The following GRM8 variants were observed in gnomAD, a reference collection of about 807,000 sequenced individuals.
GRM8 encodes the protein metabotropic glutamate receptor 8.
A neutral mutation model predicts 87.2 loss-of-function variants in GRM8; 47 were observed. The observed-to-expected ratio is 0.54, with a 90% CI of 0.43 to 0.69. The LOEUF (loss-of-function observed/expected upper bound fraction) is 0.69. Ranked by LOEUF, GRM8 falls within the 30% of genes least tolerant of loss-of-function variation. The pLI is 0.00. For synonymous variants in GRM8, 396 were observed against 404.5 expected, an observed-to-expected ratio of 0.98 and a Z score of 0.25; for missense variants, 1,019 against 1,139.2, an observed-to-expected ratio of 0.89 and a Z score of 1.52.
chr7:127,099,087 C>T (rs17866212), intron 3 of GRM8, among the ~76,000 whole-genome samples: 278 of 152,252 alleles, frequency 1.8e-3, no homozygotes, highest in African/African-American at 6.4e-3. Context: ...AGGGAAGGAA[C>T]CTGTCTAAAG....
intron 8 of GRM8, among the ~76,000 whole-genome samples, chr7:126,573,446 A>G (rs1249511827): frequency 6.6e-6 from 1 of 152,162 alleles, no homozygotes; most frequent in Non-Finnish European, 1.5e-5. Flanking sequence ...AGGATTAAGT[A>G]TACTTTTCTG....
At chr7:126,636,641 C>T (rs907623232) in intron 7 of GRM8, among the ~76,000 whole-genome samples, 1 of 152,006 alleles carries the variant, frequency 6.6e-6, no homozygotes, top group South Asian at 2.1e-4. Flanking sequence ...GAAGGAAAAA[C>T]AAAATCAGAG....
chr7:126,928,671 C>CAA (rs57576564), intron 3 of GRM8, among the ~76,000 whole-genome samples: 3,237 of 98,500 alleles, frequency 0.033, 49 homozygotes, highest in Middle Eastern at 0.052. Context: ...GACCCTGCCT[C>CAA]AAAAAAAAAA....
At chr7:126,694,399 G>T (rs1287286452) in intron 7 of GRM8, among the ~76,000 whole-genome samples, 1 of 152,138 alleles carries the variant, frequency 6.6e-6, no homozygotes, top group Non-Finnish European at 1.5e-5. Context: ...TCCCAAGCTG[G>T]ATAACTGTGA....
At chr7:126,702,690 A>T (rs1810065830) in intron 7 of GRM8, among the ~76,000 whole-genome samples, 1 of 152,160 alleles carries the variant, frequency 6.6e-6, no homozygotes, top group Non-Finnish European at 1.5e-5. Context: ...CTTCCTGATG[A>T]GGCAGATGTA....
At chr7:126,761,659 C>T (rs529035911) in intron 7 of GRM8, among the ~76,000 whole-genome samples, 45 of 152,288 alleles carry the variant, frequency 3.0e-4, no homozygotes, top group African/African-American at 9.9e-4. Flanking sequence ...CAAAGCCAAA[C>T]TCGGCACAGG....
chr7:126,899,560 C>T (rs1467519240), intron 6 of GRM8, among the ~76,000 whole-genome samples: 1 of 152,104 alleles, frequency 6.6e-6, no homozygotes, highest in East Asian at 1.9e-4. Context: ...TATCTATATC[C>T]AAATTTAGCA....
At chr7:127,178,130 A>T (rs1794224577) in intron 2 of GRM8, among the ~76,000 whole-genome samples, 1 of 152,184 alleles carries the variant, frequency 6.6e-6, no homozygotes, top group Admixed American at 6.5e-5. Flanking sequence ...AAAATTATTC[A>T]AGGAAGTAGA....
chr7:126,655,850 A>G (rs1230825848), intron 7 of GRM8, among the ~76,000 whole-genome samples: 2 of 152,228 alleles, frequency 1.3e-5, no homozygotes, highest in African/African-American at 4.8e-5. Context: ...TTTCCAAAGC[A>G]TGACACAAGG....
intron 7 of GRM8, among the ~76,000 whole-genome samples, chr7:126,687,346 T>C (rs1306175261): frequency 6.6e-6 from 1 of 152,192 alleles, no homozygotes; most frequent in East Asian, 1.9e-4. Context: ...AATCACTTTA[T>C]CTCCACTTGA....
At chr7:126,657,327 G>A (rs1310169881) in intron 7 of GRM8, among the ~76,000 whole-genome samples, 7 of 152,108 alleles carry the variant, frequency 4.6e-5, no homozygotes, top group Admixed American at 4.6e-4. Flanking sequence ...AGTAATTGTG[G>A]TTTTTAATTG....
chr7:126,763,458 TATATATATATATATACACAC>T (rs1817811821), intron 7 of GRM8, among the ~76,000 whole-genome samples: 1 of 61,428 alleles, frequency 1.6e-5, no homozygotes, highest in Non-Finnish European at 4.4e-5. Context: ...TATATATATA[TATATATATATATATACACAC>T]ACACACACAC....
chr7:127,014,791 C>G (rs911695808), intron 3 of GRM8, among the ~76,000 whole-genome samples: 1 of 151,734 alleles, frequency 6.6e-6, no homozygotes, highest in Non-Finnish European at 1.5e-5. Flanking sequence ...GGCTAGGATG[C>G]TTTCTTTCTG....
intron 1 of GRM8, among the ~76,000 whole-genome samples, chr7:127,251,888 G>A (rs1231077490): frequency 6.6e-6 from 1 of 152,164 alleles, no homozygotes; most frequent in Non-Finnish European, 1.5e-5. Context: ...AGAGGGGCAC[G>A]GAAATCCCAA....
At chr7:126,736,112 G>A (rs1208273745) in intron 7 of GRM8, among the ~76,000 whole-genome samples, 2 of 152,010 alleles carry the variant, frequency 1.3e-5, no homozygotes, top group Non-Finnish European at 2.9e-5. Flanking sequence ...CACCACTCTA[G>A]TTAGTATGGG....
chr7:127,050,429 T>C (rs1440585969), intron 3 of GRM8, among the ~76,000 whole-genome samples: 1 of 152,182 alleles, frequency 6.6e-6, no homozygotes, highest in Non-Finnish European at 1.5e-5. Flanking sequence ...GGAGTGAAGG[T>C]CCATTCCAGC....
intron 7 of GRM8, among the ~76,000 whole-genome samples, chr7:126,767,591 C>A (rs1818332735): frequency 6.6e-6 from 1 of 152,038 alleles, no homozygotes; most frequent in Non-Finnish European, 1.5e-5. Context: ...TGATTTCATC[C>A]TTTATTCTGC....
At chr7:126,943,820 C>T (rs1404963622) in intron 3 of GRM8, among the ~76,000 whole-genome samples, 2 of 152,178 alleles carry the variant, frequency 1.3e-5, no homozygotes, top group African/African-American at 4.8e-5. Context: ...AATTTACATT[C>T]ATATATGGAT....
At chr7:126,566,559 GAAC>G (rs1794235018) in intron 8 of GRM8, among the ~76,000 whole-genome samples, 1 of 152,106 alleles carries the variant, frequency 6.6e-6, no homozygotes, top group South Asian at 2.1e-4. Context: ...GGAGAAACTG[GAAC>G]CCTTGCACAC....
Sources: allele counts gnomAD v4.1 joint callset (sites outside exome capture counted in the v4.1 genomes callset), GRCh38; gene constraint gnomAD v4.1.1; transcripts MANE v1.5; gene names NCBI Gene and HGNC (gene_info 2026-07-23, HGNC 2026-07-21).